Variants in SORCS2 observed in about 807,000 individuals in gnomAD.
SORCS2 encodes VPS10 domain-containing receptor SorCS2.
A neutral mutation model predicts 141.6 loss-of-function variants in SORCS2; 100 were observed. That is an observed-to-expected ratio of 0.71 (90% confidence interval 0.60 to 0.83). SORCS2 has a LOEUF of 0.83. Among genes scored for constraint, SORCS2 ranks in the 40% least tolerant of loss-of-function variants. SORCS2 has a pLI of 0.00. For missense variants in SORCS2, 1,646 were observed against 1,560.2 expected (o/e 1.05, Z -0.93); for synonymous variants, 789 against 676.9 (o/e 1.17, Z -2.57).
intron 14 of SORCS2, 149 bp from the exon 15 acceptor site, chr4:7,712,584 C>A: frequency 5.9e-6 from 7 of 1,189,632 alleles, no homozygotes; most frequent in Non-Finnish European, 8.3e-6. Flanking sequence ...ACCGGGGCAG[C>A]CTCGCTCTGA....
intron 1 of SORCS2, among the ~76,000 whole-genome samples, chr4:7,196,470 T>C (rs896918006): frequency 3.3e-5 from 5 of 152,220 alleles, no homozygotes; most frequent in African/African-American, 1.2e-4. Context: ...ACAGCTCACC[T>C]GGGCTCCTTC....
chr4:7,479,224 G>C (rs947187771), intron 2 of SORCS2, among the ~76,000 whole-genome samples: 2 of 151,858 alleles, frequency 1.3e-5, no homozygotes, highest in Non-Finnish European at 2.9e-5. Flanking sequence ...GAGGGTATGT[G>C]ACCGCACACA....
rs1167735272 is a variant in SORCS2 at position 7,445,842 on chromosome 4, G to C, written c.548+49487G>C. 2.6e-5 allele frequency among the ~76,000 whole-genome samples: 4 copies of C among 152,114 alleles called. No individual in the cohort carries two copies. In the South Asian group the frequency reaches 8.3e-4, roughly 32 times the overall value. The stretch of plus-strand genomic sequence containing the variant: ...CCAGGGATGGCCAGCTGCTTTTCCT[G>C]GTCAGAGCTGTCATCCCTGGGGCCA... On this transcript the variant is annotated intron_variant, in intron 2 of 26. Coordinates refer to ENST00000507866, the MANE Select transcript of SORCS2 (RefSeq NM_020777.3).
chr4:7,423,093 A>G (rs1726197428), intron 2 of SORCS2, among the ~76,000 whole-genome samples: 1 of 149,604 alleles, frequency 6.7e-6, no homozygotes, highest in Non-Finnish European at 1.5e-5. Flanking sequence ...CTCAGATGCC[A>G]GCTGAAGGCC....
At chr4:7,355,300 G>A (rs1002709462) in intron 1 of SORCS2, among the ~76,000 whole-genome samples, 6 of 151,864 alleles carry the variant, frequency 4.0e-5, no homozygotes, top group Non-Finnish European at 5.9e-5. Context: ...ATCCCACCCC[G>A]CCCCACCATC....
chr4:7,241,084 G>T (rs972484946), intron 1 of SORCS2, among the ~76,000 whole-genome samples: 1 of 152,146 alleles, frequency 6.6e-6, no homozygotes, highest in Non-Finnish European at 1.5e-5. Context: ...ACAGGCTTGT[G>T]CCACCATGCC....
At chr4:7,623,325 A>C (rs1264245475) in intron 3 of SORCS2, among the ~76,000 whole-genome samples, 1 of 151,772 alleles carries the variant, frequency 6.6e-6, no homozygotes, top group Non-Finnish European at 1.5e-5. Flanking sequence ...TCACACTCAG[A>C]GACACCAGTA....
chr4:7,383,625 G>T (rs1463440820), intron 1 of SORCS2, among the ~76,000 whole-genome samples: 1 of 152,156 alleles, frequency 6.6e-6, no homozygotes, highest in African/African-American at 2.4e-5. Flanking sequence ...AAGACGCTCA[G>T]CACTAACAAC....
intron 18 of SORCS2, among the ~76,000 whole-genome samples, chr4:7,722,864 C>CT (rs983868013): frequency 2.0e-5 from 3 of 152,090 alleles, no homozygotes; most frequent in Non-Finnish European, 1.5e-5. Flanking sequence ...GAGAAGATGG[C>CT]TAAGTGGTTA....
At chr4:7,596,982 C>T (rs946026070) in intron 3 of SORCS2, among the ~76,000 whole-genome samples, 1 of 152,056 alleles carries the variant, frequency 6.6e-6, no homozygotes, top group Non-Finnish European at 1.5e-5. Context: ...CAGAAAACCA[C>T]CAAGAGCCAT....
At chr4:7,706,567 C>G (rs374099183) in intron 14 of SORCS2, among the ~76,000 whole-genome samples, 219 of 35,694 alleles carry the variant, frequency 6.1e-3, no homozygotes, top group East Asian at 0.013. Flanking sequence ...CCTGGACAGA[C>G]ATGAGGCTGG....
chr4:7,700,044 G>T (rs2109008808), intron 12 of SORCS2, among the ~76,000 whole-genome samples: 1 of 152,230 alleles, frequency 6.6e-6, no homozygotes, highest in Admixed American at 6.5e-5. Flanking sequence ...GCCTCTCCGT[G>T]TGCCCCCAGG....
intron 1 of SORCS2, among the ~76,000 whole-genome samples, chr4:7,360,571 CTTTTTT>C (rs753548897): frequency 0.014 from 712 of 49,282 alleles, 23 homozygotes; most frequent in African/African-American, 0.064. Context: ...CCAGTCCCTT[CTTTTTT>C]TTTTTTTTTT....
chr4:7,708,170 C>G (rs569833732), intron 14 of SORCS2, among the ~76,000 whole-genome samples: 2 of 152,332 alleles, frequency 1.3e-5, no homozygotes, highest in East Asian at 1.9e-4. Context: ...AATGAGCCCT[C>G]AACTGATGCT....
intron 2 of SORCS2, among the ~76,000 whole-genome samples, chr4:7,401,820 T>C (rs572788855): frequency 6.6e-6 from 1 of 152,162 alleles, no homozygotes; most frequent in Non-Finnish European, 1.5e-5. Context: ...GGAGCTGGTC[T>C]CAGGTTTTCT....
At chr4:7,639,933 A>G (rs375227509) in intron 4 of SORCS2, among the ~76,000 whole-genome samples, 2,521 of 151,152 alleles carry the variant, frequency 0.017, 72 homozygotes, top group African/African-American at 0.057. Context: ...TTGTGAGAAT[A>G]TGTCTGTGTT....
chr4:7,453,906 C>G (rs950915839), intron 2 of SORCS2, among the ~76,000 whole-genome samples: 9 of 120,966 alleles, frequency 7.4e-5, no homozygotes, highest in African/African-American at 2.7e-4. Context: ...GTGTTGGGTT[C>G]AGGTGCTGTG....
At chr4:7,388,200 C>G (rs559994176) in intron 1 of SORCS2, among the ~76,000 whole-genome samples, 1 of 152,220 alleles carries the variant, frequency 6.6e-6, no homozygotes, top group African/African-American at 2.4e-5. Context: ...CTGCAGAAGT[C>G]GGCTCCGTGT....
At chr4:7,426,788 C>T (rs908988350) in intron 2 of SORCS2, among the ~76,000 whole-genome samples, 4 of 152,270 alleles carry the variant, frequency 2.6e-5, no homozygotes, top group East Asian at 1.9e-4. Flanking sequence ...ACACAGGTAG[C>T]GAGTGGTGAG....
Sources: allele counts gnomAD v4.1 joint callset (sites outside exome capture counted in the v4.1 genomes callset), GRCh38; gene constraint gnomAD v4.1.1; transcripts MANE v1.5; gene names NCBI Gene and HGNC (gene_info 2026-07-23, HGNC 2026-07-21).